Variants in BRI3 observed in about 807,000 individuals in gnomAD.
The protein encoded by BRI3 is membrane protein BRI3.
Under a neutral mutation model 12.8 loss-of-function variants are expected in BRI3, and 6 were observed. That is an observed-to-expected ratio of 0.47 (90% CI 0.26 to 0.93). The LOEUF (loss-of-function observed/expected upper bound fraction) is 0.93, where lower values mean the gene tolerates loss of function less well. Ranked by LOEUF, BRI3 falls within the 40% of genes least tolerant of loss-of-function variation. BRI3 has a pLI of 0.15. For missense variants in BRI3, 134 were observed against 171.1 expected (o/e 0.78, Z 1.21); for synonymous variants, 91 against 76.1 (o/e 1.20, Z -1.02).
At chr7:98,313,326 CA>C (rs557330611), downstream of BRI3, among the ~76,000 whole-genome samples, 30 of 152,284 alleles carry the variant, frequency 2.0e-4, no homozygotes, top group East Asian at 5.8e-3. Context: ...TGGTCTGCGT[CA>C]CTCTAGAAAG....
At chr7:98,282,134 C>G (rs901501656) in intron 1 of BRI3, among the ~76,000 whole-genome samples, 197 bp downstream of exon 1, 1 of 152,188 alleles carries the variant, frequency 6.6e-6, no homozygotes. Context: ...CGTCGTAACC[C>G]GGCGGGGCCG....
rs143860425 is a variant in BRI3, at chr7:98,299,682, G to A, written c.72-6801G>A. Among the ~76,000 whole-genome samples, 967 of 152,292 alleles carry A rather than the reference G, an allele frequency of 6.3e-3. 7 individuals carry two copies. Among genetic ancestry groups the A allele is most frequent in the African/African-American group, 0.022 (917 of 41,572 alleles). On this transcript the variant is annotated intron_variant and NMD_transcript_variant, in intron 1 of 2. Coordinates refer to the BRI3 transcript ENST00000491463. Reference sequence around the variant, plus strand: ...AGAGCAAGTTTTTAAATGGAACACTGTACTATTTTGTATGATCTATTCCTA... The same window carrying A: ...AGAGCAAGTTTTTAAATGGAACACTATACTATTTTGTATGATCTATTCCTA...
downstream of BRI3, among the ~76,000 whole-genome samples, chr7:98,311,404 C>T (rs1173401404): frequency 6.6e-6 from 1 of 151,762 alleles, no homozygotes; most frequent in Non-Finnish European, 1.5e-5. Flanking sequence ...ATTAGCCAGG[C>T]ATGGTGGCGG....
intron 2 of BRI3, among the ~76,000 whole-genome samples, chr7:98,290,361 A>C (rs1032916314): frequency 2.0e-5 from 3 of 148,784 alleles, no homozygotes; most frequent in Non-Finnish European, 4.5e-5. Context: ...GCGCCCGGCT[A>C]ATTTTTTGTA....
chr7:98,286,897 C>T (rs897717130), intron 2 of BRI3, among the ~76,000 whole-genome samples: 3 of 152,240 alleles, frequency 2.0e-5, no homozygotes, highest in Admixed American at 2.0e-4. Flanking sequence ...CAAGTGACAG[C>T]GAGTTCTGCC....
downstream of BRI3, chr7:98,312,043 A>G: frequency 6.6e-7 from 1 of 1,524,902 alleles, no homozygotes; most frequent in Non-Finnish European, 8.8e-7. Flanking sequence ...AATTTGGCCC[A>G]GATCAAGTTA....
chr7:98,297,264 G>A (rs1376978561), downstream of BRI3, among the ~76,000 whole-genome samples: 1 of 152,226 alleles, frequency 6.6e-6, no homozygotes, highest in East Asian at 1.9e-4. Flanking sequence ...CTCGATGCCT[G>A]GTCCACACCC....
At chr7:98,298,423 T>G (rs1800279307) in intron 1 of BRI3, among the ~76,000 whole-genome samples, 1 of 152,160 alleles carries the variant, frequency 6.6e-6, no homozygotes, top group Non-Finnish European at 1.5e-5. Context: ...TCATCCTGGC[T>G]AACACGGTGA....
At chr7:98,304,238 G>A, upstream of BRI3, 1 of 1,612,712 alleles carries the variant, frequency 6.2e-7, no homozygotes, top group Middle Eastern at 1.7e-4. Flanking sequence ...CCTTAAAGGT[G>A]GATGTCGTCC....
At chr7:98,292,026 G>C (rs1799979042), downstream of BRI3, 1 of 153,462 alleles carries the variant, frequency 6.5e-6, no homozygotes, top group Non-Finnish European at 1.5e-5. Context: ...TGTTAACATA[G>C]TTCATGGTGC....
downstream of BRI3, chr7:98,310,595 G>A: frequency 1.9e-6 from 3 of 1,556,826 alleles, no homozygotes; most frequent in Non-Finnish European, 2.6e-6. Context: ...TTCCTAACCT[G>A]TGAAAAATTC....
At chr7:98,285,203 C>T (rs535772252) in intron 2 of BRI3, among the ~76,000 whole-genome samples, 156 of 152,296 alleles carry the variant, frequency 1.0e-3, no homozygotes, top group Non-Finnish European at 2.1e-3. Context: ...GGGCGGATGT[C>T]GCTCAGAGGT....
At chr7:98,304,072 T>C, upstream of BRI3, 6 of 1,048,562 alleles carry the variant, frequency 5.7e-6, no homozygotes, top group Non-Finnish European at 7.8e-6. Flanking sequence ...TCCTCCCTCC[T>C]CCCCGGGGAC....
chr7:98,322,054 C>T, the BRI3 span, among the ~76,000 whole-genome samples: 1 of 152,160 alleles, frequency 6.6e-6, no homozygotes, highest in African/African-American at 2.4e-5. Flanking sequence ...CGAGATAGCG[C>T]CACTGCACTC....
chr7:98,283,039 A>G (rs1357963301), intron 2 of BRI3: 2 of 137,240 alleles, frequency 1.5e-5, no homozygotes, highest in African/African-American at 2.5e-5. Context: ...ATATCCTCGC[A>G]TTGGACCTGC....
At chr7:98,287,059 C>T (rs1261997521) in intron 2 of BRI3, among the ~76,000 whole-genome samples, 1 of 152,222 alleles carries the variant, frequency 6.6e-6, no homozygotes. Flanking sequence ...GTTCAGAGCT[C>T]TCAGGCCCAA....
intron 1 of BRI3, 50 bp from the exon 2 acceptor site, chr7:98,282,301 G>T (rs749560122): frequency 1.6e-5 from 24 of 1,461,760 alleles, no homozygotes; most frequent in Non-Finnish European, 2.3e-5. Context: ...TCCCCGTGGC[G>T]GTCCGATTTC....
chr7:98,321,759 C>G, the BRI3 span, among the ~76,000 whole-genome samples: 1 of 152,118 alleles, frequency 6.6e-6, no homozygotes, highest in Non-Finnish European at 1.5e-5. Context: ...CGACCAACAG[C>G]AAGATGTGCC....
chr7:98,286,624 C>T (rs1799719255), intron 2 of BRI3, among the ~76,000 whole-genome samples: 1 of 152,160 alleles, frequency 6.6e-6, no homozygotes, highest in African/African-American at 2.4e-5. Flanking sequence ...CCCCTTCTGC[C>T]CTCCAGTGCT....
Sources: gnomAD v4.1 joint callset for allele counts (sites outside exome capture counted in the v4.1 genomes callset) on GRCh38, gnomAD v4.1.1 for gene constraint, MANE v1.5 for transcripts, NCBI Gene and HGNC (gene_info 2026-07-23, HGNC 2026-07-21) for gene names.